IL36B: variants seen among roughly 807,000 people sequenced by gnomAD.
IL36B encodes interleukin-36 beta.
A neutral mutation model predicts 19.3 loss-of-function variants in IL36B; 23 were observed. The ratio of observed to expected loss-of-function variants is 1.19; its 90% CI spans 0.86 to 1.69. IL36B has a LOEUF of 1.69. IL36B is among the 40% of genes most tolerant of loss of function. IL36B has a pLI of 0.00. For synonymous variants in IL36B, 59 were observed against 59.7 expected, an observed-to-expected ratio of 0.99 and a Z score of 0.05; for missense variants, 217 against 200.5, an observed-to-expected ratio of 1.08 and a Z score of -0.50.
At chr2:113,035,783 G>C (rs149279882) in intron 1 of IL36B, among the ~76,000 whole-genome samples, 135 of 152,286 alleles carry the variant, frequency 8.9e-4, no homozygotes, top group Non-Finnish European at 1.5e-3. Context: ...CCAGGGAGGA[G>C]GTGTGAAGAT....
At chr2:113,027,751 TGGA>T in intron 4 of IL36B, 2 of 1,448,798 alleles carry the variant, frequency 1.4e-6, no homozygotes, top group Non-Finnish European at 1.8e-6. Context: ...AATGGATGTT[TGGA>T]GGAGGAGGTG....
intron 1 of IL36B, among the ~76,000 whole-genome samples, chr2:113,032,768 A>G (rs1234244236): frequency 6.6e-6 from 1 of 152,216 alleles, no homozygotes; most frequent in Non-Finnish European, 1.5e-5. Flanking sequence ...CTTAATGACC[A>G]AGGAAAGAGC....
At chr2:113,047,161 A>G (rs1685364106) in intron 1 of IL36B, among the ~76,000 whole-genome samples, 1 of 152,180 alleles carries the variant, frequency 6.6e-6, no homozygotes, top group African/African-American at 2.4e-5. Context: ...TTGACATACC[A>G]ATCACTGTGG....
intron 5 of IL36B, chr2:113,026,063 T>A: frequency 6.2e-7 from 1 of 1,605,358 alleles, no homozygotes; most frequent in Non-Finnish European, 8.5e-7. Flanking sequence ...CATCTCAGAA[T>A]TGTCCACCTG....
At chr2:113,023,712 T>C (rs1684902968) in intron 5 of IL36B, among the ~76,000 whole-genome samples, 1 of 152,232 alleles carries the variant, frequency 6.6e-6, no homozygotes, top group African/African-American at 2.4e-5. Context: ...TTCCCAACCA[T>C]ACGGCCTAGA....
chr2:113,037,552 A>G (rs1013812206), intron 1 of IL36B, among the ~76,000 whole-genome samples: 3 of 152,028 alleles, frequency 2.0e-5, no homozygotes, highest in Non-Finnish European at 2.9e-5. Flanking sequence ...GGGAGGCTGA[A>G]GCAGGAGTAT....
At chr2:113,024,570 G>A (rs1343342778) in intron 5 of IL36B, among the ~76,000 whole-genome samples, 1 of 152,154 alleles carries the variant, frequency 6.6e-6, no homozygotes, top group Non-Finnish European at 1.5e-5. Context: ...CGATCCAGGA[G>A]AGCAAATAAA....
intron 1 of IL36B, among the ~76,000 whole-genome samples, chr2:113,046,057 T>G (rs981285769): frequency 6.6e-6 from 1 of 152,230 alleles, no homozygotes; most frequent in Non-Finnish European, 1.5e-5. Context: ...TAATGCATTC[T>G]TACTTTGGAA....
At chr2:113,049,492 T>C (rs759766454) in intron 1 of IL36B, among the ~76,000 whole-genome samples, 3 of 152,156 alleles carry the variant, frequency 2.0e-5, no homozygotes, top group African/African-American at 7.2e-5. Context: ...TGAGTAGACA[T>C]TTCTCCAAAT....
intron 4 of IL36B, chr2:113,027,926 A>T (rs750837933): frequency 1.2e-6 from 2 of 1,613,964 alleles, no homozygotes; most frequent in Admixed American, 1.7e-5. Flanking sequence ...TCTAAGTAGA[A>T]GTTAGTGTTA....
intron 1 of IL36B, among the ~76,000 whole-genome samples, chr2:113,033,894 G>A (rs538867586): frequency 3.9e-5 from 6 of 152,252 alleles, no homozygotes; most frequent in Admixed American, 6.5e-5. Flanking sequence ...TCTTGAAACC[G>A]AATATTATTG....
At chr2:113,035,502 G>GA (rs962780535) in intron 1 of IL36B, among the ~76,000 whole-genome samples, 18 of 148,076 alleles carry the variant, frequency 1.2e-4, no homozygotes, top group South Asian at 2.1e-4. Flanking sequence ...AAGCTCTTCT[G>GA]AAAAAAAAAA....
intron 4 of IL36B, chr2:113,026,338 C>T (rs766924761): frequency 1.1e-5 from 17 of 1,517,944 alleles, no homozygotes; most frequent in Non-Finnish European, 1.5e-5. Context: ...CTGCATACAG[C>T]ATGTAAGGTG....
At chr2:113,033,490 C>T (rs570134264) in intron 1 of IL36B, among the ~76,000 whole-genome samples, 8 of 152,190 alleles carry the variant, frequency 5.3e-5, no homozygotes, top group Non-Finnish European at 1.2e-4. Context: ...CCACCCGCCT[C>T]GGCCTCCCAA....
chr2:113,029,165 G>A, intron 3 of IL36B, 87 bp from the exon 4 acceptor site: 3 of 1,364,984 alleles, frequency 2.2e-6, no homozygotes, highest in Non-Finnish European at 3.0e-6. Flanking sequence ...AATAGTGACA[G>A]GCTCCTCCCA....
intron 1 of IL36B, among the ~76,000 whole-genome samples, chr2:113,041,117 C>G (rs969334041): frequency 6.7e-6 from 1 of 149,048 alleles, no homozygotes; most frequent in Non-Finnish European, 1.5e-5. Context: ...GATTGAGCCA[C>G]TGCACTCCAG....
intron 1 of IL36B, among the ~76,000 whole-genome samples, chr2:113,034,832 A>C (rs1030717011): frequency 6.6e-6 from 1 of 152,200 alleles, no homozygotes; most frequent in Non-Finnish European, 1.5e-5. Flanking sequence ...TGGGACTGGC[A>C]GCTTTGCCCC....
chr2:113,035,162 A>G (rs761092759), intron 1 of IL36B, among the ~76,000 whole-genome samples: 4 of 152,194 alleles, frequency 2.6e-5, no homozygotes, highest in Non-Finnish European at 1.5e-5. Flanking sequence ...GAACCATGAG[A>G]TTTTCCCCAA....
chr2:113,038,389 A>C (rs1685195814), intron 1 of IL36B, among the ~76,000 whole-genome samples: 1 of 152,170 alleles, frequency 6.6e-6, no homozygotes, highest in Non-Finnish European at 1.5e-5. Context: ...TTCTGTGAAG[A>C]TAGATGAGCC....
Sources: allele counts gnomAD v4.1 joint callset (sites outside exome capture counted in the v4.1 genomes callset), GRCh38; gene constraint gnomAD v4.1.1; transcripts MANE v1.5; gene names NCBI Gene and HGNC (gene_info 2026-07-23, HGNC 2026-07-21).